The following MRTFB variants were observed in gnomAD, a reference collection of about 807,000 sequenced individuals.
MRTFB encodes myocardin-related transcription factor B.
Under a neutral mutation model 104.2 loss-of-function variants are expected in MRTFB, and 29 were observed. That is an observed-to-expected ratio of 0.28 (90% CI 0.21 to 0.38). The LOEUF (loss-of-function observed/expected upper bound fraction) is 0.38. Ranked by LOEUF, MRTFB falls within the 10% of genes least tolerant of loss-of-function variation. The probability of loss-of-function intolerance (pLI) is 1.00; values close to 1 mark genes in which losing one functional copy is unlikely to be tolerated. For synonymous variants in MRTFB, 535 were observed against 519.5 expected (o/e 1.03, Z -0.41); for missense variants, 1,270 against 1,341.6 (o/e 0.95, Z 0.83).
chr16:14,136,578 G>C lies in MRTFB; in HGVS notation c.-63-3966G>C, dbSNP rs891451886. ...CCTCCCCAAATTATTATCATATTGTGAGGAGAGTTGAGAAGCACTTGTGAA... is the reference window on the plus strand; with the variant it reads ...CCTCCCCAAATTATTATCATATTGTCAGGAGAGTTGAGAAGCACTTGTGAA... On this transcript the variant is annotated intron_variant, in intron 2 of 16. Coordinates refer to ENST00000571589, the MANE Select transcript of MRTFB (RefSeq NM_001308142.2). 4.6e-5 allele frequency among the ~76,000 whole-genome samples: 7 copies of C among 152,210 alleles called. No homozygotes were observed. In the East Asian group the frequency reaches 1.4e-3, roughly 29 times the overall value.
chr16:14,178,510 C>G (rs1030447389), intron 3 of MRTFB, among the ~76,000 whole-genome samples: 1 of 152,108 alleles, frequency 6.6e-6, no homozygotes, highest in African/African-American at 2.4e-5. Context: ...CTACCTTTGC[C>G]GTAACTCCCA....
chr16:14,074,065 C>CT (rs5815814), intron 1 of MRTFB, among the ~76,000 whole-genome samples: 27,084 of 151,722 alleles, frequency 0.18, 3,893 homozygotes, highest in African/African-American at 0.39. Context: ...GTTTATTTGG[C>CT]TTTTTTTTGT....
chr16:14,033,689 T>C, the MRTFB span, among the ~76,000 whole-genome samples: 1 of 151,534 alleles, frequency 6.6e-6, no homozygotes, highest in East Asian at 1.9e-4. Flanking sequence ...AATACAAAAT[T>C]AGCCAGGCAT....
intron 3 of MRTFB, among the ~76,000 whole-genome samples, chr16:14,196,481 C>A (rs1233971438): frequency 1.3e-5 from 2 of 152,228 alleles, no homozygotes; most frequent in African/African-American, 4.8e-5. Context: ...CCCTCCTTTT[C>A]CAATTCTGTA....
chr16:14,150,270 A>G (rs911832706), intron 3 of MRTFB, among the ~76,000 whole-genome samples: 1 of 152,228 alleles, frequency 6.6e-6, no homozygotes, highest in South Asian at 2.1e-4. Flanking sequence ...ATCTAAATCA[A>G]GTATAGAGAA....
At chr16:14,068,517 A>T (rs1051779228), upstream of MRTFB, among the ~76,000 whole-genome samples, 1 of 152,138 alleles carries the variant, frequency 6.6e-6, no homozygotes, top group Non-Finnish European at 1.5e-5. Flanking sequence ...AAACAGGCTG[A>T]TCTGGGGTGG....
At chr16:14,115,882 C>T (rs1314503441) in intron 2 of MRTFB, among the ~76,000 whole-genome samples, 1 of 152,142 alleles carries the variant, frequency 6.6e-6, no homozygotes, top group African/African-American at 2.4e-5. Context: ...TGAGTGCTTC[C>T]CCTCCCCTCC....
chr16:14,066,334 C>T (rs900595668), upstream of MRTFB, among the ~76,000 whole-genome samples: 5 of 151,646 alleles, frequency 3.3e-5, no homozygotes, highest in South Asian at 2.1e-4. Flanking sequence ...AGTGCAGTCA[C>T]GCGATCTCGG....
chr16:14,243,762 C>T (rs1293845238), intron 10 of MRTFB, among the ~76,000 whole-genome samples: 1 of 151,972 alleles, frequency 6.6e-6, no homozygotes, highest in African/African-American at 2.4e-5. Context: ...GTATCCAATA[C>T]CCAAACCAAG....
chr16:14,242,866 GA>G (rs993071852), intron 10 of MRTFB, among the ~76,000 whole-genome samples: 23 of 147,820 alleles, frequency 1.6e-4, no homozygotes, highest in Non-Finnish European at 3.0e-4. Context: ...ATCTCAACAG[GA>G]AAAAAAAAAC....
Position 14,244,299 on chromosome 16 carries a change from C to T in MRTFB, c.1080-1229C>T, listed in dbSNP as rs763587666. Among the ~76,000 whole-genome samples the T allele has an allele frequency of 3.9e-5, 6 of 152,114 alleles. No homozygotes were observed. The South Asian group carries it at 6.2e-4, about 16-fold the overall frequency. ...TTAGCCATCCAGCTTACTCTTGATG[C>T]GTAGTTGGGTTGCTTCCAGTTGGGG... On this transcript the variant is annotated intron_variant, in intron 10 of 16. Coordinates refer to ENST00000571589, the MANE Select transcript of MRTFB (RefSeq NM_001308142.2).
At chr16:14,253,352 G>A (rs572773494) in intron 15 of MRTFB, among the ~76,000 whole-genome samples, 60 of 152,300 alleles carry the variant, frequency 3.9e-4, no homozygotes, top group African/African-American at 1.3e-3. Flanking sequence ...GACACCAAGA[G>A]ACAATATCCA....
intron 9 of MRTFB, 51 bp from the exon 10 acceptor site, chr16:14,240,186 T>C: frequency 1.3e-6 from 2 of 1,530,732 alleles, no homozygotes; most frequent in Non-Finnish European, 8.7e-7. Flanking sequence ...GTACAAAAGA[T>C]TTTATGTGGT....
In MRTFB at chr16:14,261,627, G is replaced by A. The variant is rs899863002; in HGVS notation, c.*183G>A. On this transcript the variant is annotated 3_prime_UTR_variant, in exon 17 of 17. Transcript: ENST00000571589. ...AAAACATTTCATTGTGTTCAGTAGT[G>A]AATTTCTACAGTTTAACATAGCACA... The A allele has an allele frequency of 6.6e-6, 4 of 608,070 alleles. No homozygotes were observed. The highest frequency in any genetic ancestry group is 5.5e-5 in the African/African-American group (3 of 54,132). The allele number at this position is 608,070 out of a possible 1,614,324, so 37.7% of individuals were successfully genotyped here. A position where few individuals can be genotyped will look rare whatever the true frequency, so the allele number is the denominator to read the frequency against.
At chr16:14,197,304 T>C (rs2040483695) in intron 3 of MRTFB, among the ~76,000 whole-genome samples, 1 of 152,172 alleles carries the variant, frequency 6.6e-6, no homozygotes, top group Admixed American at 6.5e-5. Context: ...GCAGCTTGAA[T>C]TTCGCATTAA....
rs138598795 is a variant in MRTFB at position 14,217,402 on chromosome 16, T to C, written c.514+115T>C. The stretch of plus-strand genomic sequence containing the variant: ...TCGTGAGTATTGTTTTCTGGGTTAA[T>C]TAGAAATTAACACAGTGATTTGTGT... On this transcript the variant is annotated intron_variant, in intron 7 of 16. Transcript: ENST00000571589. 9.3e-4 allele frequency: 800 copies of C among 856,042 alleles called. 9 individuals carry two copies. The Admixed American group carries it at 0.011, about 11-fold the overall frequency. 53.0% of individuals were successfully genotyped at this position (856,042 alleles called of 1,614,324 possible).
At chr16:14,064,106 A>C in the MRTFB span, among the ~76,000 whole-genome samples, 1 of 152,214 alleles carries the variant, frequency 6.6e-6, no homozygotes, top group South Asian at 2.1e-4. Flanking sequence ...GTGAATAAGC[A>C]TTCCCTTTTC....
At chr16:14,157,683 G>T (rs2038878199) in intron 3 of MRTFB, among the ~76,000 whole-genome samples, 1 of 152,188 alleles carries the variant, frequency 6.6e-6, no homozygotes, top group African/African-American at 2.4e-5. Context: ...ACAGCAGATA[G>T]ATGCAGCTCC....
At chr16:14,201,288 A>C (rs2040691764) in intron 3 of MRTFB, among the ~76,000 whole-genome samples, 1 of 152,214 alleles carries the variant, frequency 6.6e-6, no homozygotes, top group Non-Finnish European at 1.5e-5. Flanking sequence ...GTGTTCATTT[A>C]CATAGGCAAT....
Sources: allele counts gnomAD v4.1 joint callset (sites outside exome capture counted in the v4.1 genomes callset), GRCh38; gene constraint gnomAD v4.1.1; transcripts MANE v1.5; gene names NCBI Gene and HGNC (gene_info 2026-07-23, HGNC 2026-07-21).